NR2F1: variants seen among roughly 807,000 people sequenced by gnomAD.
NR2F1 encodes the protein COUP transcription factor 1.
A neutral mutation model predicts 37.7 loss-of-function variants in NR2F1; 1 was observed. The observed-to-expected ratio is 0.03, with a 90% CI of 0.01 to 0.13. NR2F1 has a LOEUF of 0.13. Among genes scored for constraint, NR2F1 ranks in the 10% least tolerant of loss-of-function variants. The pLI, the probability that NR2F1 is intolerant of heterozygous loss-of-function variation, is 1.00. For missense variants in NR2F1, 268 were observed against 578.4 expected, an observed-to-expected ratio of 0.46 and a Z score of 5.50; for synonymous variants, 275 against 259.6, an observed-to-expected ratio of 1.06 and a Z score of -0.57.
chr5:93,592,744 G>GA (rs1259830689), intron 2 of NR2F1, among the ~76,000 whole-genome samples: 1 of 143,696 alleles, frequency 7.0e-6, no homozygotes, highest in Non-Finnish European at 1.5e-5. Context: ...TCTGATTGCT[G>GA]AAGATGTCGC....
Position 93,584,651 on chromosome 5 carries a change from C to G in NR2F1, c.-373C>G, listed in dbSNP as rs933031063. On this transcript the variant is annotated 5_prime_UTR_variant, in exon 1 of 3. Transcript: ENST00000327111. ...GGGGAGGGGGGAAGGAGAGCGCGGCCCCCCCAGGAACGGAGCGCGGGGGGA... is the reference window on the plus strand; with the variant it reads ...GGGGAGGGGGGAAGGAGAGCGCGGCGCCCCCAGGAACGGAGCGCGGGGGGA... The G allele has an allele frequency of 2.7e-5, 4 of 146,220 alleles. No homozygotes were observed. The highest frequency in any genetic ancestry group is 7.5e-5 in the African/African-American group (3 of 40,216). 9.1% of individuals were successfully genotyped at this position (146,220 alleles called of 1,614,324 possible). A position where few individuals can be genotyped will look rare whatever the true frequency, so the allele number is the denominator to read the frequency against.
In NR2F1 at chr5:93,593,939, C is replaced by T. The variant is rs1008948977; in HGVS notation, c.*97C>T. 10 of 1,277,342 alleles carry T rather than the reference C, an allele frequency of 7.8e-6. No individual in the cohort carries two copies. Among genetic ancestry groups the T allele is most frequent in the African/African-American group, 7.4e-5 (5 of 67,832 alleles). 79.1% of individuals were successfully genotyped at this position (1,277,342 alleles called of 1,614,324 possible). A position where few individuals can be genotyped will look rare whatever the true frequency, so the allele number is the denominator to read the frequency against. On this transcript the variant is annotated 3_prime_UTR_variant, in exon 3 of 3. Coordinates refer to ENST00000327111, the MANE Select transcript of NR2F1 (RefSeq NM_005654.6). The surrounding 1 kb of genome is among the most constrained non-coding windows in gnomAD (Gnocchi z 5.6). ...GCCGCGGGGACACCGGGAAGTGCAG[C>T]GGGCCAGGCAGGCTGGGTGGGAGGG...
intron 2 of NR2F1, among the ~76,000 whole-genome samples, chr5:93,589,492 G>A (rs1206128241): frequency 1.3e-5 from 2 of 152,262 alleles, no homozygotes; most frequent in African/African-American, 4.8e-5. Flanking sequence ...TGCTTAGACT[G>A]GGTCTTGGGC....
rs1234276128 is a variant in NR2F1, at chr5:93,585,254, G to A, written c.231G>A (p.Ser77=). Residue 77 remains serine (S), a synonymous_variant, in exon 1 of 3, where the codon TCG becomes TCA. Coordinates refer to ENST00000327111, the MANE Select transcript of NR2F1 (RefSeq NM_005654.6). The stretch of plus-strand genomic sequence containing the variant: ...ACAAGGGCCAGGGCCCGCCCGGTTC[G>A]GGCCAGAGCCAGCAGCACATCGAGT... ...AGDKGQGPPG[S]GQSQQHIECV... 1 of 1,575,722 alleles carries A rather than the reference G, an allele frequency of 6.3e-7. No homozygotes were observed. Among genetic ancestry groups the A allele is most frequent in the African/African-American group, 1.4e-5 (1 of 73,846 alleles).
At chr5:93,591,433 G>A (rs902033759) in intron 2 of NR2F1, among the ~76,000 whole-genome samples, 2 of 152,218 alleles carry the variant, frequency 1.3e-5, no homozygotes, top group Non-Finnish European at 2.9e-5. Flanking sequence ...CCAGAACCAG[G>A]GCTCCTGCCG....
rs1254515456 is a variant in NR2F1 at position 93,593,549 on chromosome 5, G to A, written c.992-13G>A. The A allele has an allele frequency of 1.9e-6, 3 of 1,606,900 alleles. No individual in the cohort carries two copies. The East Asian group carries it at 6.7e-5, about 36-fold the overall frequency. On this transcript the variant is annotated splice_polypyrimidine_tract_variant and intron_variant, in intron 2 of 2. Coordinates refer to ENST00000327111, the MANE Select transcript of NR2F1 (RefSeq NM_005654.6). The surrounding 1 kb of genome is among the most constrained non-coding windows in gnomAD (Gnocchi z 5.6). ...CCTTTCCCTGTCTCTCCCTCCTGTG[G>A]CTGCTTGGGCAGACGCCTGTGGCCT...
Position 93,593,894 on chromosome 5 carries a change from C to T in NR2F1, c.*52C>T, listed in dbSNP as rs774796562. The T allele has an allele frequency of 1.8e-5, 28 of 1,566,770 alleles. No individual in the cohort carries two copies. The highest frequency in any genetic ancestry group is 5.2e-5 in the Admixed American group (3 of 57,976). On this transcript the variant is annotated 3_prime_UTR_variant, in exon 3 of 3. Coordinates refer to ENST00000327111, the MANE Select transcript of NR2F1 (RefSeq NM_005654.6). The surrounding 1 kb of genome is among the most constrained non-coding windows in gnomAD (Gnocchi z 5.6). Reference sequence around the variant, plus strand: ...TCCCCCTAGAGACTCAGAGGACCCACCTGGGCCAAGGACTCCAAAGCCGCG... The same window carrying T: ...TCCCCCTAGAGACTCAGAGGACCCATCTGGGCCAAGGACTCCAAAGCCGCG...
chr5:93,588,461 G>C lies in NR2F1; in HGVS notation c.991+17G>C, dbSNP rs1284797923. The C allele has an allele frequency of 1.2e-5, 18 of 1,528,440 alleles. No individual in the cohort carries two copies. The highest frequency in any genetic ancestry group is 1.5e-5 in the Non-Finnish European group (17 of 1,134,830). The allele number at this position is 1,528,440 out of a possible 1,614,324, so 94.7% of individuals were successfully genotyped here. A position where few individuals can be genotyped will look rare whatever the true frequency, so the allele number is the denominator to read the frequency against. Reference sequence around the variant, plus strand: ...TCACGTCAGGTGAGGCTGCGGTCGCGGGGAGGGCAGGCCGCGCCGGCAGCG... The same window carrying C: ...TCACGTCAGGTGAGGCTGCGGTCGCCGGGAGGGCAGGCCGCGCCGGCAGCG... On this transcript the variant is annotated intron_variant, in intron 2 of 2. Transcript: ENST00000327111.
In NR2F1 at chr5:93,594,198, A is replaced by G. The variant is rs2149946393; in HGVS notation, c.*356A>G. The G allele has an allele frequency of 3.9e-6, 1 of 259,678 alleles. No individual in the cohort carries two copies. Among genetic ancestry groups the G allele is most frequent in the Non-Finnish European group, 7.4e-6 (1 of 135,890 alleles). 16.1% of individuals were successfully genotyped at this position (259,678 alleles called of 1,614,324 possible). On this transcript the variant is annotated 3_prime_UTR_variant, in exon 3 of 3. Transcript: ENST00000327111. ...GAAACTAATGGACCTTCCAGGATTT[A>G]TTGTGGACGGATGTGGATATATTCT...
intron 2 of NR2F1, among the ~76,000 whole-genome samples, chr5:93,591,167 A>G (rs1303460519): frequency 1.3e-5 from 2 of 152,238 alleles, no homozygotes; most frequent in African/African-American, 4.8e-5. Context: ...TTTTCCATAC[A>G]CTGTAGAAGA....
chr5:93,585,650 C>G, intron 1 of NR2F1, 164 bp downstream of exon 1: 1 of 622,230 alleles, frequency 1.6e-6, no homozygotes, highest in Admixed American at 2.8e-5. Context: ...CGTCTCCCCC[C>G]GCCCTCCCCA....
At chr5:93,590,931 C>T (rs1314269737) in intron 2 of NR2F1, among the ~76,000 whole-genome samples, 3 of 152,196 alleles carry the variant, frequency 2.0e-5, no homozygotes, top group Non-Finnish European at 4.4e-5. Flanking sequence ...AATATTCCTT[C>T]AAATAAATGA....
intron 1 of NR2F1, chr5:93,585,694 G>A: frequency 1.8e-6 from 1 of 561,966 alleles, no homozygotes; most frequent in Non-Finnish European, 3.1e-6. Flanking sequence ...CCCGGCCTGC[G>A]CTCATCTCCC....
intron 1 of NR2F1, among the ~76,000 whole-genome samples, chr5:93,586,605 T>G (rs1010778490): frequency 3.3e-5 from 5 of 152,224 alleles, no homozygotes; most frequent in African/African-American, 1.2e-4. Context: ...CTTCTTGTAA[T>G]TGACTTTAAA....
intron 1 of NR2F1, chr5:93,587,354 TG>T (rs1193824885): frequency 6.6e-6 from 1 of 152,306 alleles, no homozygotes; most frequent in Non-Finnish European, 1.5e-5. Flanking sequence ...GCAGGATACT[TG>T]TTCTCTACTC....
chr5:93,591,967 A>G (rs893353399), intron 2 of NR2F1: 1 of 152,202 alleles, frequency 6.6e-6, no homozygotes, highest in Non-Finnish European at 1.5e-5. Flanking sequence ...ACCAGTGTGG[A>G]TATACCCAAC....
In NR2F1 at chr5:93,583,962, A is replaced by G. The variant is rs1044739170; in HGVS notation, c.-1062A>G. On this transcript the variant is annotated 5_prime_UTR_variant, in exon 1 of 3. Coordinates refer to ENST00000327111, the MANE Select transcript of NR2F1 (RefSeq NM_005654.6). ...CCGGCGCCACCGGCACAACAAAAAG[A>G]GCAAAGTGTGTGATCTTCCTCGCCG... 4.6e-5 allele frequency: 7 copies of G among 151,856 alleles called. No individual in the cohort carries two copies. Among genetic ancestry groups the G allele is most frequent in the Admixed American group, 4.6e-4 (7 of 15,236 alleles). 9.4% of individuals were successfully genotyped at this position (151,856 alleles called of 1,614,324 possible).
rs1753367716 is a variant in NR2F1, at chr5:93,593,416, G to A, written c.992-146G>A. The A allele has an allele frequency of 3.9e-6, 3 of 773,778 alleles. No individual in the cohort carries two copies. Among genetic ancestry groups the A allele is most frequent in the Non-Finnish European group, 6.4e-6 (3 of 471,756 alleles). 47.9% of individuals were successfully genotyped at this position (773,778 alleles called of 1,614,324 possible). ...AGAAGGGGATGGAGAGGTATAGGAGGGTGAATTTTTCTTTTCTCTTTTACT... is the reference window on the plus strand; with the variant it reads ...AGAAGGGGATGGAGAGGTATAGGAGAGTGAATTTTTCTTTTCTCTTTTACT... On this transcript the variant is annotated intron_variant, in intron 2 of 2. Coordinates refer to ENST00000327111, the MANE Select transcript of NR2F1 (RefSeq NM_005654.6). The surrounding 1 kb of genome is among the most constrained non-coding windows in gnomAD (Gnocchi z 5.6).
In NR2F1 at chr5:93,583,309, TC is replaced by T. The variant is rs1753159424; in HGVS notation, c.-1714del. On this transcript the variant is annotated 5_prime_UTR_variant, in exon 1 of 3. Coordinates refer to ENST00000327111, the MANE Select transcript of NR2F1 (RefSeq NM_005654.6). ...TCTCTCTCTCTCTTCTTCTCTTCTC[TC>T]TCTCTCTCTCTCTCCTCTCTCTCTC... 6.6e-6 allele frequency: 1 copy of T among 150,776 alleles called. No individual in the cohort carries two copies. Among genetic ancestry groups the T allele is most frequent in the Non-Finnish European group, 1.5e-5 (1 of 67,680 alleles). 9.3% of individuals were successfully genotyped at this position (150,776 alleles called of 1,614,324 possible).
Sources: allele counts gnomAD v4.1 joint callset (sites outside exome capture counted in the v4.1 genomes callset), GRCh38; gene constraint gnomAD v4.1.1; non-coding constraint Gnocchi (gnomAD v3.1); transcripts MANE v1.5; gene names NCBI Gene and HGNC (gene_info 2026-07-23, HGNC 2026-07-21).